Variants in PRIMA1 observed in about 807,000 individuals in gnomAD.
PRIMA1 encodes the protein proline rich membrane anchor 1, also known as proline-rich membrane anchor 1.
PRIMA1 carries 7 observed loss-of-function variants against 17.5 expected under a neutral mutation model. The observed-to-expected ratio is 0.40, with a 90% CI of 0.23 to 0.75. The LOEUF is 0.75. PRIMA1 is among the 30% of genes least tolerant of loss of function. The pLI, the probability that PRIMA1 is intolerant of heterozygous loss-of-function variation, is 0.37. For synonymous variants in PRIMA1, 97 were observed against 77.9 expected (o/e 1.25, Z -1.29); for missense variants, 200 against 201.8 (o/e 0.99, Z 0.05).
intron 3 of PRIMA1, among the ~76,000 whole-genome samples, chr14:93,739,381 C>G (rs1234388154): frequency 6.6e-6 from 1 of 152,152 alleles, no homozygotes; most frequent in African/African-American, 2.4e-5. Flanking sequence ...ACCTGATGAC[C>G]AACACCTAGG....
chr14:93,765,581 G>T (rs529472155), intron 3 of PRIMA1, among the ~76,000 whole-genome samples: 20 of 152,008 alleles, frequency 1.3e-4, no homozygotes, highest in African/African-American at 4.8e-4. Flanking sequence ...CTACACGAGG[G>T]CAAAGCTCCT....
rs564063463 is a variant in PRIMA1, at chr14:93,737,144, T to C, written c.359+97A>G. ...TGCTTCTTATATGCTTAACAACTTT[T>C]ATAATTTAAAATAATGATACGGGAT... On this transcript the variant is annotated intron_variant, in intron 4 of 4. Coordinates refer to ENST00000393140, the MANE Select transcript of PRIMA1 (RefSeq NM_178013.4). 9 of 1,244,836 alleles carry C rather than the reference T, an allele frequency of 7.2e-6. No individual in the cohort carries two copies. The East Asian group carries it at 2.2e-4, about 30-fold the overall frequency. 77.1% of individuals were successfully genotyped at this position (1,244,836 alleles called of 1,614,324 possible).
At chr14:93,750,436 G>T (rs1322760259) in intron 3 of PRIMA1, among the ~76,000 whole-genome samples, 1 of 152,162 alleles carries the variant, frequency 6.6e-6, no homozygotes, top group Non-Finnish European at 1.5e-5. Flanking sequence ...CCTCATGAAT[G>T]CTTCATCAGG....
At chr14:93,763,859 C>T (rs1345519361) in intron 3 of PRIMA1, among the ~76,000 whole-genome samples, 9 of 152,114 alleles carry the variant, frequency 5.9e-5, no homozygotes, top group Non-Finnish European at 1.2e-4. Context: ...TGCCTCCACC[C>T]CACATCCTTG....
In PRIMA1 at chr14:93,772,556, C is replaced by T. The variant is rs1201296632; in HGVS notation, c.229+6620G>A. 2.0e-5 allele frequency among the ~76,000 whole-genome samples: 3 copies of T among 152,364 alleles called. No individual in the cohort carries two copies. The East Asian group carries it at 5.8e-4, about 29-fold the overall frequency. On this transcript the variant is annotated intron_variant, in intron 3 of 4. Coordinates refer to ENST00000393140, the MANE Select transcript of PRIMA1 (RefSeq NM_178013.4). Reference sequence around the variant, plus strand: ...CTGACATTTACAAAGCAAGCCAGGTCCTGGGCTCTGGTGGCTGCTGAAGGC... The same window carrying T: ...CTGACATTTACAAAGCAAGCCAGGTTCTGGGCTCTGGTGGCTGCTGAAGGC...
chr14:93,722,375 G>A (rs529392905), intron 4 of PRIMA1, among the ~76,000 whole-genome samples: 5 of 24,802 alleles, frequency 2.0e-4, no homozygotes, highest in Non-Finnish European at 5.4e-4. Context: ...GATGCTGGTG[G>A]TAATGGGGTG....
At position 93,748,070 on chromosome 14, in the gene PRIMA1, GTGTA is replaced by G. The variant is rs1158954654; in HGVS notation, c.230-10704_230-10701del. Among the ~76,000 whole-genome samples the G allele has an allele frequency of 2.6e-5, 4 of 151,960 alleles. No individual in the cohort carries two copies. In the South Asian group the frequency reaches 6.2e-4, roughly 24 times the overall value. On this transcript the variant is annotated intron_variant, in intron 3 of 4. Transcript: ENST00000393140. ...TGAGTGTGTGTATGTGAGTGTGAATGTGTATGTGTGTGAGTGCGTATGAGTGTGT... is the reference window on the plus strand; with the variant it reads ...TGAGTGTGTGTATGTGAGTGTGAATGTGTGTGTGAGTGCGTATGAGTGTGT...
rs149291409 is a variant in PRIMA1, at chr14:93,740,628, C to T, written c.230-3258G>A. 5.8e-3 allele frequency among the ~76,000 whole-genome samples: 883 copies of T among 152,362 alleles called. 12 individuals carry two copies. Among genetic ancestry groups the T allele is most frequent in the African/African-American group, 0.021 (853 of 41,586 alleles). On this transcript the variant is annotated intron_variant, in intron 3 of 4. Transcript: ENST00000393140. The stretch of plus-strand genomic sequence containing the variant: ...TGGTCCAGGACCACAGACAGTCACA[C>T]CGACACTCCTGTGGCTGGGGACAGA...
intron 3 of PRIMA1, among the ~76,000 whole-genome samples, chr14:93,753,860 C>T (rs1276360792): frequency 1.3e-5 from 2 of 152,186 alleles, no homozygotes; most frequent in Admixed American, 1.3e-4. Context: ...AACACGAAAT[C>T]CCACAATGTG....
chr14:93,726,112 T>G lies in PRIMA1; in HGVS notation c.360-4566A>C, dbSNP rs1321162839. The G allele has an allele frequency of 1.1e-5, 5 of 454,004 alleles. No individual in the cohort carries two copies. The highest frequency in any genetic ancestry group is 1.8e-5 in the Non-Finnish European group (4 of 225,864). 28.1% of individuals were successfully genotyped at this position (454,004 alleles called of 1,614,324 possible). On this transcript the variant is annotated intron_variant, in intron 4 of 4. Coordinates refer to ENST00000393140, the MANE Select transcript of PRIMA1 (RefSeq NM_178013.4). The surrounding 1 kb of genome is among the most constrained non-coding windows in gnomAD (Gnocchi z 4.2). ...CCTTCAGACTTCTTGTCCCCTGCCC[T>G]GGGCTTGGAGGGCAGCAGGCTCCCA...
Position 93,786,958 on chromosome 14 carries a change from T to C in PRIMA1, c.93+668A>G, listed in dbSNP as rs182168456. Among the ~76,000 whole-genome samples the C allele has an allele frequency of 2.7e-3, 409 of 152,332 alleles. 2 individuals carry two copies. Among genetic ancestry groups the C allele is most frequent in the African/African-American group, 9.3e-3 (388 of 41,574 alleles). On this transcript the variant is annotated intron_variant, in intron 2 of 4. Coordinates refer to ENST00000393140, the MANE Select transcript of PRIMA1 (RefSeq NM_178013.4). Reference sequence around the variant, plus strand: ...GTGAGGGACAGAGCTGAAGCTCAAATTCCAGAGCTGACATCGAAGTCCACC... The same window carrying C: ...GTGAGGGACAGAGCTGAAGCTCAAACTCCAGAGCTGACATCGAAGTCCACC...
At chr14:93,746,218 T>C (rs2076217061) in intron 3 of PRIMA1, among the ~76,000 whole-genome samples, 1 of 151,994 alleles carries the variant, frequency 6.6e-6, no homozygotes, top group Non-Finnish European at 1.5e-5. Flanking sequence ...CTGGGAATGG[T>C]TTCCCAGCTC....
At chr14:93,777,175 G>A (rs1171672698) in intron 3 of PRIMA1, among the ~76,000 whole-genome samples, 1 of 152,156 alleles carries the variant, frequency 6.6e-6, no homozygotes, top group Non-Finnish European at 1.5e-5. Flanking sequence ...GGCACACGAG[G>A]CCCTTCTAGG....
intron 3 of PRIMA1, among the ~76,000 whole-genome samples, chr14:93,773,384 TC>T (rs1446506073): frequency 1.3e-5 from 2 of 152,222 alleles, no homozygotes; most frequent in African/African-American, 4.8e-5. Flanking sequence ...CAAAGTGTGC[TC>T]CTACGACCAA....
chr14:93,779,722 C>T (rs1885325476), intron 2 of PRIMA1, among the ~76,000 whole-genome samples: 1 of 152,246 alleles, frequency 6.6e-6, no homozygotes, highest in African/African-American at 2.4e-5. Flanking sequence ...ACCGCTTCTC[C>T]TGTCTTCCTT....
chr14:93,727,403 G>A (rs1212405444), intron 4 of PRIMA1, among the ~76,000 whole-genome samples: 2 of 152,212 alleles, frequency 1.3e-5, no homozygotes, highest in Non-Finnish European at 1.5e-5. Context: ...AGGATTGCGG[G>A]CTCATGCACA....
Position 93,759,878 on chromosome 14 carries a change from G to A in PRIMA1, c.229+19298C>T, listed in dbSNP as rs373639636. The stretch of plus-strand genomic sequence containing the variant: ...CCCTGCCCTGCTTGGCAGAGGCCCC[G>A]GCCTGGACATCACAGTCTGGAAGCT... On this transcript the variant is annotated intron_variant, in intron 3 of 4. Coordinates refer to ENST00000393140, the MANE Select transcript of PRIMA1 (RefSeq NM_178013.4). Among the ~76,000 whole-genome samples, 305 of 152,306 alleles carry A rather than the reference G, an allele frequency of 2.0e-3. 1 individual carries two copies. The highest frequency in any genetic ancestry group is 7.0e-3 in the African/African-American group (291 of 41,578).
chr14:93,770,455 C>T (rs4905086), intron 3 of PRIMA1, among the ~76,000 whole-genome samples: 137,001 of 152,012 alleles, frequency 0.9, 62,419 homozygotes, highest in Non-Finnish European at 0.96. Flanking sequence ...TGGCTCTTCA[C>T]ACAGCCAGAG....
At chr14:93,724,242 C>T (rs547659487) in intron 4 of PRIMA1, among the ~76,000 whole-genome samples, 3 of 152,186 alleles carry the variant, frequency 2.0e-5, no homozygotes, top group Non-Finnish European at 4.4e-5. Flanking sequence ...CCTCCACCCC[C>T]CTCTTAGAGA....
Sources: allele counts gnomAD v4.1 joint callset (sites outside exome capture counted in the v4.1 genomes callset), GRCh38; gene constraint gnomAD v4.1.1; non-coding constraint Gnocchi (gnomAD v3.1); transcripts MANE v1.5; gene names NCBI Gene and HGNC (gene_info 2026-07-23, HGNC 2026-07-21).